KCNK12: variants seen among roughly 807,000 people sequenced by gnomAD.
KCNK12 encodes the protein potassium channel subfamily K member 12.
In KCNK12, 6 loss-of-function variants were observed where a neutral mutation model predicts 25.3. That is an observed-to-expected ratio of 0.24 (90% CI 0.13 to 0.47). KCNK12 has a LOEUF of 0.47. Among genes scored for constraint, KCNK12 ranks in the 20% least tolerant of loss-of-function variants. The pLI is 0.99. For missense variants in KCNK12, 444 were observed against 661.7 expected (o/e 0.67, Z 3.61); for synonymous variants, 331 against 311.1 (o/e 1.06, Z -0.67).
In KCNK12 at chr2:47,557,360, T is replaced by C. The variant is rs1669570826; in HGVS notation, c.391+12581A>G. Among the ~76,000 whole-genome samples, 1 of 152,210 alleles carries C rather than the reference T, an allele frequency of 6.6e-6. No homozygotes were observed. Among genetic ancestry groups the C allele is most frequent in the Non-Finnish European group, 1.5e-5 (1 of 68,030 alleles). Reference sequence around the variant, plus strand: ...GTGATGCCTTCCACATGGATGACTCTTGCCAGATGCCAGAGCCCTCTATCA... The same window carrying C: ...GTGATGCCTTCCACATGGATGACTCCTGCCAGATGCCAGAGCCCTCTATCA... On this transcript the variant is annotated intron_variant, in intron 1 of 1. Coordinates refer to ENST00000327876, the MANE Select transcript of KCNK12 (RefSeq NM_022055.2). This position sits in a 1 kb window ranked among gnomAD's most constrained non-coding sequence, Gnocchi z 4.9.
At position 47,520,755 on chromosome 2, in the gene KCNK12, G is replaced by T; in HGVS notation, c.*152C>A. On this transcript the variant is annotated 3_prime_UTR_variant, in exon 2 of 2. Coordinates refer to ENST00000327876, the MANE Select transcript of KCNK12 (RefSeq NM_022055.2). The surrounding 1 kb of genome is among the most constrained non-coding windows in gnomAD (Gnocchi z 5.0). Reference sequence around the variant, plus strand: ...CAAAACCTGCCCTTGATAACATCAGGCCTGGCCAAATAGTATTTCTTTAAA... The same window carrying T: ...CAAAACCTGCCCTTGATAACATCAGTCCTGGCCAAATAGTATTTCTTTAAA... The T allele has an allele frequency of 2.0e-6, 1 of 490,714 alleles. No homozygotes were observed. The highest frequency in any genetic ancestry group is 4.4e-5 in the Admixed American group (1 of 22,746). The allele number at this position is 490,714 out of a possible 1,614,324, so 30.4% of individuals were successfully genotyped here. A position where few individuals can be genotyped will look rare whatever the true frequency, so the allele number is the denominator to read the frequency against.
intron 1 of KCNK12, among the ~76,000 whole-genome samples, chr2:47,531,334 G>A (rs527625031): frequency 8.5e-5 from 13 of 152,086 alleles, no homozygotes; most frequent in African/African-American, 2.4e-4. Context: ...TCAGCTGGGC[G>A]TGGTGGCGTG....
chr2:47,537,334 TTC>T (rs1669095305), intron 1 of KCNK12, among the ~76,000 whole-genome samples: 2 of 138,844 alleles, frequency 1.4e-5, no homozygotes, highest in South Asian at 2.3e-4. Flanking sequence ...GTGATTTTCT[TTC>T]TTTTTTTTTT....
intron 1 of KCNK12, chr2:47,564,181 C>G (rs1211836992): frequency 4.3e-6 from 1 of 231,424 alleles, no homozygotes; most frequent in Non-Finnish European, 8.5e-6. Flanking sequence ...TGTGCGGCCC[C>G]TTTCCATGGA....
At chr2:47,552,924 C>T (rs367796445) in intron 1 of KCNK12, among the ~76,000 whole-genome samples, 1 of 152,250 alleles carries the variant, frequency 6.6e-6, no homozygotes, top group Non-Finnish European at 1.5e-5. Flanking sequence ...TGTTGAGTGC[C>T]GATAACCAAA....
rs1465896069 is a variant in KCNK12 at position 47,515,526 on chromosome 2, T to C, written c.*5381A>G. ...TAGTGCATGATCTGTACAGTATAGT[T>C]GTAGAAAACTTCTTGTTTTATCATT... is the stretch of plus-strand genomic sequence containing the variant. On this transcript the variant is annotated 3_prime_UTR_variant, in exon 2 of 2. Coordinates refer to ENST00000327876, the MANE Select transcript of KCNK12 (RefSeq NM_022055.2). Among the ~76,000 whole-genome samples, 1 of 152,156 alleles carries C rather than the reference T, an allele frequency of 6.6e-6. No homozygotes were observed. Among genetic ancestry groups the C allele is most frequent in the African/African-American group, 2.4e-5 (1 of 41,420 alleles).
chr2:47,564,084 G>C (rs1669741850), intron 1 of KCNK12: 1 of 231,512 alleles, frequency 4.3e-6, no homozygotes. Flanking sequence ...TAAAACAAGG[G>C]AGGTTGAAGA....
rs1032886482 is a variant in KCNK12 at position 47,535,346 on chromosome 2, C to G, written c.392-13538G>C. ...CCACAGCACCTCAGCACATGGGTCT[C>G]TCTCTCTTTTCATCCAGCCCAAAAT... On this transcript the variant is annotated intron_variant, in intron 1 of 1. Transcript: ENST00000327876. The G allele has an allele frequency of 1.3e-5, 3 of 233,188 alleles. No homozygotes were observed. The South Asian group carries it at 5.4e-4, about 42-fold the overall frequency. 14.4% of individuals were successfully genotyped at this position (233,188 alleles called of 1,614,324 possible).
At position 47,512,345 on chromosome 2, in the gene KCNK12, C is replaced by T. The variant is rs1558541880; in HGVS notation, c.*8562G>A. The T allele has an allele frequency of 1.2e-6, 2 of 1,612,566 alleles. No homozygotes were observed. The highest frequency in any genetic ancestry group is 1.3e-5 in the African/African-American group (1 of 75,036). On this transcript the variant is annotated 3_prime_UTR_variant, in exon 2 of 2. Transcript: ENST00000327876. Reference sequence around the variant, plus strand: ...GCCAAAAGACCAGTGCCTCATTTTGCTGACATGGAAAAGGAAACTTCGTGG... The same window carrying T: ...GCCAAAAGACCAGTGCCTCATTTTGTTGACATGGAAAAGGAAACTTCGTGG...
In KCNK12 at chr2:47,521,677, T is replaced by C; in HGVS notation, c.523A>G (p.Ile175Val). ...TGGCGCTCCCGGCAGGCGCGCATGATGAAGGCCAGCAGCGAGATGATGCGC... is the reference window on the plus strand; with the variant it reads ...TGGCGCTCCCGGCAGGCGCGCATGACGAAGGCCAGCAGCGAGATGATGCGC... ...LERIISLLAF[I>V]MRACRERQLR... Residue 175 changes from isoleucine (I) to valine (V), a missense_variant, in exon 2 of 2, where the codon ATC (isoleucine) becomes GTC (valine). Transcript: ENST00000327876. The C allele has an allele frequency of 1.2e-6, 2 of 1,601,322 alleles. No homozygotes were observed. The highest frequency in any genetic ancestry group is 8.5e-7 in the Non-Finnish European group (1 of 1,175,750).
Position 47,533,581 on chromosome 2 carries a change from T to A in KCNK12, c.392-11773A>T, listed in dbSNP as rs1033537975. ...GCCTGGCTCTACCATTGGCTCGCCGTTCTCCTACCTCGCTGGGCCTCCATC... is the reference window on the plus strand; with the variant it reads ...GCCTGGCTCTACCATTGGCTCGCCGATCTCCTACCTCGCTGGGCCTCCATC... On this transcript the variant is annotated intron_variant, in intron 1 of 1. Coordinates refer to ENST00000327876, the MANE Select transcript of KCNK12 (RefSeq NM_022055.2). The surrounding 1 kb of genome is among the most constrained non-coding windows in gnomAD (Gnocchi z 4.7). Among the ~76,000 whole-genome samples the A allele has an allele frequency of 6.6e-6, 1 of 152,214 alleles. No individual in the cohort carries two copies. The highest frequency in any genetic ancestry group is 2.4e-5 in the African/African-American group (1 of 41,456).
At chr2:47,530,524 TATA>T (rs1384031729) in intron 1 of KCNK12, among the ~76,000 whole-genome samples, 1 of 151,856 alleles carries the variant, frequency 6.6e-6, no homozygotes, top group East Asian at 1.9e-4. Flanking sequence ...ATGCGGAGGG[TATA>T]ATAACTGCTG....
intron 1 of KCNK12, 73 bp from the exon 2 acceptor site, chr2:47,521,881 T>C: frequency 1.4e-5 from 3 of 212,176 alleles, no homozygotes; most frequent in Non-Finnish European, 2.3e-5. Flanking sequence ...GTGGGGGGTG[T>C]GGGGGCGGGG....
intron 1 of KCNK12, among the ~76,000 whole-genome samples, chr2:47,522,963 A>G (rs1668691857): frequency 6.6e-6 from 1 of 152,076 alleles, no homozygotes; most frequent in African/African-American, 2.4e-5. Flanking sequence ...CAGTTTACCA[A>G]CTCTGCCTAC....
At position 47,517,314 on chromosome 2, in the gene KCNK12, G is replaced by A. The variant is rs766524448; in HGVS notation, c.*3593C>T. On this transcript the variant is annotated 3_prime_UTR_variant, in exon 2 of 2. Transcript: ENST00000327876. This position sits in a 1 kb window ranked among gnomAD's most constrained non-coding sequence, Gnocchi z 4.1. ...GTCCACAGGAAGAGGGGGTCTGCTG[G>A]GAGGCCTGTCTGAAGGACGGAGGAT... 3.9e-5 allele frequency: 6 copies of A among 152,150 alleles called. No homozygotes were observed. Among genetic ancestry groups the A allele is most frequent in the African/African-American group, 7.2e-5 (3 of 41,420 alleles). 9.4% of individuals were successfully genotyped at this position (152,150 alleles called of 1,614,324 possible).
Position 47,513,641 on chromosome 2 carries a change from T to C in KCNK12, c.*7266A>G, listed in dbSNP as rs1250188268. 3.9e-5 allele frequency among the ~76,000 whole-genome samples: 6 copies of C among 152,140 alleles called. No individual in the cohort carries two copies. Among genetic ancestry groups the C allele is most frequent in the Non-Finnish European group, 8.8e-5 (6 of 68,018 alleles). ...TTGCTTGGTGGGAACCCCTCCCCCA[T>C]GGTTATCTCATGGGTCCCTGAAGTC... is the stretch of plus-strand genomic sequence containing the variant. On this transcript the variant is annotated 3_prime_UTR_variant, in exon 2 of 2. Coordinates refer to ENST00000327876, the MANE Select transcript of KCNK12 (RefSeq NM_022055.2).
chr2:47,543,425 C>T (rs527478234), intron 1 of KCNK12: 2 of 152,142 alleles, frequency 1.3e-5, no homozygotes, highest in Non-Finnish European at 2.9e-5. Flanking sequence ...GATGCACAAT[C>T]TGAGGCTCAG....
chr2:47,564,695 T>C (rs1396296138), intron 1 of KCNK12: 1 of 176,808 alleles, frequency 5.7e-6, no homozygotes, highest in Non-Finnish European at 1.2e-5. Context: ...ACTTGTTCTC[T>C]TATTCATATA....
intron 1 of KCNK12, among the ~76,000 whole-genome samples, chr2:47,554,468 C>G (rs745644034): frequency 6.6e-6 from 1 of 152,146 alleles, no homozygotes; most frequent in African/African-American, 2.4e-5. Flanking sequence ...GTCAGCCATG[C>G]CGTGACTCAC....
Sources: gnomAD v4.1 joint callset for allele counts (sites outside exome capture counted in the v4.1 genomes callset) on GRCh38, gnomAD v4.1.1 for gene constraint, Gnocchi (gnomAD v3.1) non-coding constraint, MANE v1.5 for transcripts, NCBI Gene and HGNC (gene_info 2026-07-23, HGNC 2026-07-21) for gene names.